PKIG: variants seen among roughly 807,000 people sequenced by gnomAD.
PKIG encodes the protein cAMP-dependent protein kinase inhibitor gamma, also known as protein kinase (cAMP-dependent, catalytic) inhibitor gamma.
A neutral mutation model predicts 6.8 loss-of-function variants in PKIG; 1 was observed. That is an observed-to-expected ratio of 0.15 (90% CI 0.05 to 0.69). The LOEUF is 0.69. Ranked by LOEUF, PKIG falls within the 30% of genes least tolerant of loss-of-function variation. The probability of loss-of-function intolerance (pLI) is 0.82; values close to 1 mark genes in which losing one functional copy is unlikely to be tolerated. For synonymous variants in PKIG, 39 were observed against 43.0 expected, an observed-to-expected ratio of 0.91 and a Z score of 0.36; for missense variants, 77 against 104.0, an observed-to-expected ratio of 0.74 and a Z score of 1.13.
intron 1 of PKIG, among the ~76,000 whole-genome samples, chr20:44,559,528 T>C (rs2064748240): frequency 6.6e-6 from 1 of 152,232 alleles, no homozygotes; most frequent in African/African-American, 2.4e-5. Context: ...GCCAGTATGT[T>C]GCCATCACTG....
intron 1 of PKIG, among the ~76,000 whole-genome samples, chr20:44,539,624 G>A (rs1326444924): frequency 6.6e-6 from 1 of 151,966 alleles, no homozygotes; most frequent in African/African-American, 2.4e-5. Flanking sequence ...TCACCATGTT[G>A]ACCAGGCTGG....
In PKIG at chr20:44,607,687, T is replaced by G. The variant is rs529928426; in HGVS notation, c.-23-6847T>G. 6.3e-4 allele frequency among the ~76,000 whole-genome samples: 83 copies of G among 130,842 alleles called. No homozygotes were observed. The East Asian group carries it at 0.013, about 20-fold the overall frequency. The allele number at this position is 130,842 out of a possible 152,430, so 85.8% of individuals were successfully genotyped here. A position where few individuals can be genotyped will look rare whatever the true frequency, so the allele number is the denominator to read the frequency against. On this transcript the variant is annotated intron_variant, in intron 2 of 3. Coordinates refer to ENST00000372886, the MANE Select transcript of PKIG (RefSeq NM_001281445.2). ...AAAAAAGGCAAGATGGAAAATAAAT[T>G]TTTTTTTTTTTTTTTGAGACGGAGT...
At chr20:44,613,779 C>T (rs2065239967) in intron 2 of PKIG, among the ~76,000 whole-genome samples, 1 of 152,196 alleles carries the variant, frequency 6.6e-6, no homozygotes, top group South Asian at 2.1e-4. Flanking sequence ...CCGGCCGCCA[C>T]AGTCACCTTT....
chr20:44,532,459 T>C (rs1367882234), intron 1 of PKIG, among the ~76,000 whole-genome samples: 2 of 152,158 alleles, frequency 1.3e-5, no homozygotes, highest in Non-Finnish European at 2.9e-5. Context: ...GCTTTTATTA[T>C]TACTACTACT....
At chr20:44,534,799 G>A (rs746336202) in intron 1 of PKIG, among the ~76,000 whole-genome samples, 42 of 151,998 alleles carry the variant, frequency 2.8e-4, no homozygotes, top group Non-Finnish European at 4.6e-4. Context: ...ATAATGTGAT[G>A]TTTACAACAA....
At chr20:44,615,398 G>A (rs1002715881) in intron 3 of PKIG, among the ~76,000 whole-genome samples, 8 of 152,236 alleles carry the variant, frequency 5.3e-5, no homozygotes, top group African/African-American at 1.9e-4. Flanking sequence ...AAATGTGAGC[G>A]CCGGGAGGGC....
intron 1 of PKIG, among the ~76,000 whole-genome samples, chr20:44,540,695 G>A (rs1290860211): frequency 2.6e-5 from 4 of 151,558 alleles, no homozygotes; most frequent in Non-Finnish European, 4.4e-5. Context: ...CTCCTGCCTC[G>A]GCCTCCTGAG....
chr20:44,579,119 T>G (rs1384277862), upstream of PKIG, among the ~76,000 whole-genome samples: 1 of 152,218 alleles, frequency 6.6e-6, no homozygotes, highest in African/African-American at 2.4e-5. Context: ...TCTCATAATA[T>G]GTACAAAATG....
intron 2 of PKIG, among the ~76,000 whole-genome samples, chr20:44,604,227 A>ATTT (rs890454274): frequency 8.5e-5 from 13 of 152,266 alleles, no homozygotes; most frequent in African/African-American, 2.9e-4. Context: ...TGCCTTCTTA[A>ATTT]AGAGAGGAAG....
At chr20:44,577,485 A>G (rs894202704) in intron 1 of PKIG, among the ~76,000 whole-genome samples, 4 of 152,174 alleles carry the variant, frequency 2.6e-5, no homozygotes, top group East Asian at 3.8e-4. Flanking sequence ...GCCTTACACC[A>G]GGATTGTGGT....
chr20:44,610,498 T>TCACACACACACACACACACACA (rs1379954369), intron 2 of PKIG, among the ~76,000 whole-genome samples: 19 of 119,638 alleles, frequency 1.6e-4, no homozygotes, highest in Admixed American at 1.1e-3. Context: ...TCTCTCTCTC[T>TCACACACACACACACACACACA]CTCACACACA....
chr20:44,612,477 G>A (rs2065228402), intron 2 of PKIG, among the ~76,000 whole-genome samples: 2 of 152,134 alleles, frequency 1.3e-5, no homozygotes, highest in Non-Finnish European at 1.5e-5. Flanking sequence ...TCAGGTCTGC[G>A]AGGTAGCCAG....
chr20:44,533,968 G>A (rs1331278582), intron 1 of PKIG, among the ~76,000 whole-genome samples: 2 of 152,168 alleles, frequency 1.3e-5, no homozygotes, highest in Non-Finnish European at 2.9e-5. Context: ...TGGTTGGGGC[G>A]GAATCTATAA....
chr20:44,618,268 C>T lies in PKIG; in HGVS notation c.152-17C>T, dbSNP rs1197253534. 1 of 1,582,442 alleles carries T rather than the reference C, an allele frequency of 6.3e-7. No homozygotes were observed. The highest frequency in any genetic ancestry group is 8.7e-7 in the Non-Finnish European group (1 of 1,151,402). On this transcript the variant is annotated splice_polypyrimidine_tract_variant and intron_variant, in intron 3 of 3. Transcript: ENST00000372886. ...GTGTATATGTGCCCAAGAAAAACCTCTTTCTCTCCTCTCCAGAAGGACAGG... is the reference window on the plus strand; with the variant it reads ...GTGTATATGTGCCCAAGAAAAACCTTTTTCTCTCCTCTCCAGAAGGACAGG...
intron 2 of PKIG, among the ~76,000 whole-genome samples, chr20:44,595,110 G>T (rs1324374754): frequency 6.6e-6 from 1 of 152,242 alleles, no homozygotes; most frequent in Non-Finnish European, 1.5e-5. Context: ...GAGGTCCAGA[G>T]CCTCCAAACC....
intron 1 of PKIG, among the ~76,000 whole-genome samples, chr20:44,536,777 C>G (rs2064515992): frequency 6.6e-6 from 1 of 152,218 alleles, no homozygotes; most frequent in Non-Finnish European, 1.5e-5. Flanking sequence ...CAGATAGTGC[C>G]AGGTATCCCT....
At chr20:44,587,593 T>G (rs1260183803) in intron 1 of PKIG, among the ~76,000 whole-genome samples, 1 of 152,188 alleles carries the variant, frequency 6.6e-6, no homozygotes, top group Non-Finnish European at 1.5e-5. Flanking sequence ...TTTATAACAT[T>G]TATTGTGGAT....
At chr20:44,580,685 C>G (rs1292247544), upstream of PKIG, among the ~76,000 whole-genome samples, 1 of 152,126 alleles carries the variant, frequency 6.6e-6, no homozygotes, top group African/African-American at 2.4e-5. Flanking sequence ...AGTCCTACGT[C>G]ACATTGTCAC....
chr20:44,571,899 T>A (rs2064857134), intron 1 of PKIG, among the ~76,000 whole-genome samples: 1 of 152,270 alleles, frequency 6.6e-6, no homozygotes, highest in Non-Finnish European at 1.5e-5. Flanking sequence ...GTAACGTGTA[T>A]ATGATTACAT....
Sources: allele counts gnomAD v4.1 joint callset (sites outside exome capture counted in the v4.1 genomes callset), GRCh38; gene constraint gnomAD v4.1.1; transcripts MANE v1.5; gene names NCBI Gene and HGNC (gene_info 2026-07-23, HGNC 2026-07-21).